The following CDH11 variants were observed in gnomAD, a reference collection of about 807,000 sequenced individuals.
CDH11 encodes cadherin-11.
CDH11 carries 11 observed loss-of-function variants against 67.8 expected under a neutral mutation model. That is an observed-to-expected ratio of 0.16 (90% CI 0.10 to 0.27). The LOEUF (loss-of-function observed/expected upper bound fraction) is 0.27, where lower values mean the gene tolerates loss of function less well. Ranked by LOEUF, CDH11 falls within the 10% of genes least tolerant of loss-of-function variation. The probability of loss-of-function intolerance (pLI) is 1.00; values close to 1 mark genes in which losing one functional copy is unlikely to be tolerated. For missense variants in CDH11, 847 were observed against 1,031.2 expected (o/e 0.82, Z 2.45); for synonymous variants, 419 against 400.0 (o/e 1.05, Z -0.57).
upstream of CDH11, among the ~76,000 whole-genome samples, chr16:65,123,040 T>C (rs2075361872): frequency 6.6e-6 from 1 of 152,168 alleles, no homozygotes; most frequent in South Asian, 2.1e-4. Context: ...GACGACTCGC[T>C]ACCGTGAGGG....
Position 64,998,493 on chromosome 16 carries a change from G to A in CDH11, c.523+69C>T, listed in dbSNP as rs571663324. ...GCTCTACTTCCTGATTTGGGAGAAC[G>A]GGCTTCAGCCCACCCACCACAGAGA... On this transcript the variant is annotated intron_variant, in intron 4 of 12. Transcript: ENST00000268603. 5 of 1,430,906 alleles carry A rather than the reference G, an allele frequency of 3.5e-6. No individual in the cohort carries two copies. The African/African-American group carries it at 4.3e-5, about 12-fold the overall frequency. The allele number at this position is 1,430,906 out of a possible 1,614,324, so 88.6% of individuals were successfully genotyped here. A position where few individuals can be genotyped will look rare whatever the true frequency, so the allele number is the denominator to read the frequency against.
intron 11 of CDH11, among the ~76,000 whole-genome samples, chr16:64,966,792 A>C (rs924441257): frequency 2.6e-5 from 4 of 152,228 alleles, no homozygotes; most frequent in Non-Finnish European, 4.4e-5. Flanking sequence ...AGACTACAGC[A>C]GAGTCAGAAT....
rs764049307 is a variant in CDH11 at position 64,982,188 on chromosome 16, C to A, written c.1113G>T (p.Lys371Asn). 18 of 1,613,996 alleles carry A rather than the reference C, an allele frequency of 1.1e-5. No homozygotes were observed. The South Asian group carries it at 1.9e-4, about 17-fold the overall frequency. ...NGPFKDTVTV[K>N]ISVEDADEPP... ...GCTCATCAGCATCTTCTACTGAGAT[C>A]TTGACGGTCACAGTGTCCTTGAAAG... Residue 371 changes from lysine to asparagine, a missense_variant, in exon 8 of 13, where the codon AAG becomes AAT. By Grantham distance (94) the Lys-to-Asn change is moderately conservative (BLOSUM62 0). Coordinates refer to ENST00000268603, the MANE Select transcript of CDH11 (RefSeq NM_001797.4).
intron 11 of CDH11, among the ~76,000 whole-genome samples, chr16:64,951,233 C>A (rs904709405): frequency 2.0e-5 from 3 of 152,210 alleles, no homozygotes; most frequent in African/African-American, 7.2e-5. Context: ...ATCTCAGAAA[C>A]AGGCTCTTTG....
intron 1 of CDH11, among the ~76,000 whole-genome samples, chr16:65,100,737 CAA>C (rs34745214): frequency 1.3e-4 from 12 of 93,002 alleles, no homozygotes; most frequent in Middle Eastern, 5.5e-3. Flanking sequence ...GACTCTGTCT[CAA>C]AAAAAAAAAA....
intron 3 of CDH11, among the ~76,000 whole-genome samples, chr16:64,999,094 C>T (rs1010397881): frequency 6.6e-6 from 1 of 152,278 alleles, no homozygotes; most frequent in Non-Finnish European, 1.5e-5. Flanking sequence ...TTCTAAGATT[C>T]ATGCTCTCCT....
upstream of CDH11, chr16:65,123,581 C>T (rs1437896153): frequency 2.6e-5 from 4 of 152,282 alleles, no homozygotes; most frequent in Non-Finnish European, 5.9e-5. Context: ...CACCAGCCCG[C>T]GGGTCCCGAG....
chr16:65,046,790 A>G (rs1360210729), intron 2 of CDH11, among the ~76,000 whole-genome samples: 1 of 152,174 alleles, frequency 6.6e-6, no homozygotes, highest in Non-Finnish European at 1.5e-5. Context: ...AAACAAAGGG[A>G]AAAACTTAAT....
chr16:64,994,546 A>T (rs1038367817), intron 4 of CDH11, among the ~76,000 whole-genome samples: 7 of 152,158 alleles, frequency 4.6e-5, no homozygotes, highest in Non-Finnish European at 7.4e-5. Context: ...GCCATAATAC[A>T]ATGTCTGAGT....
At chr16:65,026,886 C>T (rs187495410) in intron 2 of CDH11, among the ~76,000 whole-genome samples, 144 of 152,292 alleles carry the variant, frequency 9.5e-4, no homozygotes, top group Middle Eastern at 3.4e-3. Flanking sequence ...TAATAAAATG[C>T]AAGCCCTGCA....
chr16:65,052,757 C>T (rs2074079658), intron 2 of CDH11, among the ~76,000 whole-genome samples: 1 of 151,936 alleles, frequency 6.6e-6, no homozygotes. Context: ...ACCCTGGAAG[C>T]AAAAATACGT....
At chr16:65,030,988 C>T (rs2073632324) in intron 2 of CDH11, among the ~76,000 whole-genome samples, 1 of 152,124 alleles carries the variant, frequency 6.6e-6, no homozygotes, top group Admixed American at 6.5e-5. Flanking sequence ...TGTAAAAGGC[C>T]TAAGGATGAA....
chr16:65,005,088 T>C (rs1182121900), intron 2 of CDH11, 47 bp from the exon 3 acceptor site: 1 of 1,334,728 alleles, frequency 7.5e-7, no homozygotes, highest in Admixed American at 3.6e-5. Flanking sequence ...AATCCCCACT[T>C]CATTTCCATT....
At position 64,943,990 on chromosome 16, in the gene CDH11, G is replaced by A; in HGVS notation, c.*3613C>T. On this transcript the variant is annotated 3_prime_UTR_variant, in exon 13 of 13. Transcript: ENST00000268603. ...AGGGTGACCTGCTTTCCATGGAAAAGGAACGTGTTTTTTTTTGTATCAGGA... is the reference window on the plus strand; with the variant it reads ...AGGGTGACCTGCTTTCCATGGAAAAAGAACGTGTTTTTTTTTGTATCAGGA... The A allele has an allele frequency of 4.3e-6, 1 of 232,064 alleles. No individual in the cohort carries two copies. Among genetic ancestry groups the A allele is most frequent in the Non-Finnish European group, 8.5e-6 (1 of 117,318 alleles). The allele number at this position is 232,064 out of a possible 1,614,324, so 14.4% of individuals were successfully genotyped here.
intron 2 of CDH11, among the ~76,000 whole-genome samples, chr16:65,050,250 G>A (rs2074032140): frequency 6.6e-6 from 1 of 152,160 alleles, no homozygotes; most frequent in South Asian, 2.1e-4. Context: ...AGTAAGACAT[G>A]TGTGCTAGAA....
chr16:65,080,834 C>T (rs1326195080), intron 1 of CDH11, among the ~76,000 whole-genome samples: 1 of 152,032 alleles, frequency 6.6e-6, no homozygotes, highest in Non-Finnish European at 1.5e-5. Context: ...GTTATTTCCC[C>T]TTATGGTTGT....
chr16:64,972,864 C>A (rs1335720818), intron 9 of CDH11, 40 bp downstream of exon 9: 3 of 1,606,338 alleles, frequency 1.9e-6, no homozygotes, highest in Non-Finnish European at 2.6e-6. Context: ...AGCGATAATA[C>A]TTGGTAAAGT....
chr16:65,097,217 T>C (rs543423422), intron 1 of CDH11, among the ~76,000 whole-genome samples: 9 of 152,314 alleles, frequency 5.9e-5, no homozygotes, highest in African/African-American at 2.2e-4. Context: ...GGCAAAATAA[T>C]ATACGTGTTG....
intron 1 of CDH11, among the ~76,000 whole-genome samples, chr16:65,110,995 G>C (rs2075147507): frequency 6.6e-6 from 1 of 152,112 alleles, no homozygotes; most frequent in African/African-American, 2.4e-5. Context: ...GGTTTAACAA[G>C]ACTCTGTCCC....
Sources: gnomAD v4.1 joint callset for allele counts (sites outside exome capture counted in the v4.1 genomes callset) on GRCh38, gnomAD v4.1.1 for gene constraint, MANE v1.5 for transcripts, NCBI Gene and HGNC (gene_info 2026-07-23, HGNC 2026-07-21) for gene names.